CTNNBL1: variants seen among roughly 807,000 people sequenced by gnomAD.
CTNNBL1 encodes the protein beta-catenin-like protein 1.
A neutral mutation model predicts 72.7 loss-of-function variants in CTNNBL1; 31 were observed. The observed-to-expected ratio is 0.43, with a 90% confidence interval of 0.32 to 0.58. The LOEUF is 0.58. Among genes scored for constraint, CTNNBL1 ranks in the 20% least tolerant of loss-of-function variants. The probability of loss-of-function intolerance (pLI) is 0.08; values close to 1 mark genes in which losing one functional copy is unlikely to be tolerated. For missense variants in CTNNBL1, 534 were observed against 725.1 expected, an observed-to-expected ratio of 0.74 and a Z score of 3.03; for synonymous variants, 240 against 267.3, an observed-to-expected ratio of 0.90 and a Z score of 1.00.
rs938865811 is a variant in CTNNBL1 at position 37,868,406 on chromosome 20, G to A, written c.1604-3519G>A. ...ATAGCCTCTGTTTCCCCCTGGGTAA[G>A]TAGGGATGGTGTTCTTTACCTTGTG... is the stretch of plus-strand genomic sequence containing the variant. On this transcript the variant is annotated intron_variant, in intron 15 of 15. Transcript: ENST00000361383. Among the ~76,000 whole-genome samples, 120 of 152,244 alleles carry A rather than the reference G, an allele frequency of 7.9e-4. 1 individual carries two copies. Among genetic ancestry groups the A allele is most frequent in the Admixed American group, 6.8e-3 (104 of 15,292 alleles).
chr20:37,773,397 A>G (rs1420775363), intron 7 of CTNNBL1, among the ~76,000 whole-genome samples: 2 of 152,216 alleles, frequency 1.3e-5, no homozygotes, highest in Non-Finnish European at 1.5e-5. Context: ...GGTGAAGTGT[A>G]ATTTTATTCA....
intron 11 of CTNNBL1, among the ~76,000 whole-genome samples, chr20:37,820,449 C>T (rs1004889668): frequency 1.3e-5 from 2 of 152,170 alleles, no homozygotes; most frequent in African/African-American, 4.8e-5. Flanking sequence ...ACAGTCTATC[C>T]TATGCTCCTT....
intron 3 of CTNNBL1, among the ~76,000 whole-genome samples, chr20:37,739,972 G>A (rs987278477): frequency 2.6e-5 from 4 of 152,016 alleles, no homozygotes; most frequent in African/African-American, 7.3e-5. Context: ...TATTTCCTTC[G>A]CCCGCTTGGT....
Position 37,767,933 on chromosome 20 carries a change from T to G in CTNNBL1, c.659-20T>G. 1 of 1,606,638 alleles carries G rather than the reference T, an allele frequency of 6.2e-7. No individual in the cohort carries two copies. Among genetic ancestry groups the G allele is most frequent in the Non-Finnish European group, 8.5e-7 (1 of 1,173,258 alleles). ...AAACAAAGTTGTCCTCCCAAATGAC[T>G]GGTGTCTGTCTCCCTTCAGCTATTG... On this transcript the variant is annotated intron_variant, in intron 6 of 15. Coordinates refer to ENST00000361383, the MANE Select transcript of CTNNBL1 (RefSeq NM_030877.5).
chr20:37,863,005 T>C (rs1211461625), intron 15 of CTNNBL1, among the ~76,000 whole-genome samples: 1 of 152,220 alleles, frequency 6.6e-6, no homozygotes, highest in Non-Finnish European at 1.5e-5. Flanking sequence ...ACGGACATTG[T>C]CTGCCTTGTT....
chr20:37,855,367 C>T (rs2072430873), intron 13 of CTNNBL1, among the ~76,000 whole-genome samples: 1 of 152,172 alleles, frequency 6.6e-6, no homozygotes, highest in East Asian at 1.9e-4. Context: ...GCACTCAGTA[C>T]AGTTTGAAAG....
At position 37,718,433 on chromosome 20, in the gene CTNNBL1, C is replaced by A. The variant is rs571200980; in HGVS notation, c.31-14446C>A. 1.6e-3 allele frequency among the ~76,000 whole-genome samples: 217 copies of A among 139,166 alleles called. 2 individuals carry two copies. Among genetic ancestry groups the A allele is most frequent in the Admixed American group, 9.8e-3 (142 of 14,508 alleles). 91.3% of individuals were successfully genotyped at this position (139,166 alleles called of 152,430 possible). On this transcript the variant is annotated intron_variant, in intron 1 of 15. Transcript: ENST00000361383. ...GGGGGCTGACCCCCCCACCTCCCTC[C>A]CGGACGGGGTGGCTGGCCGGGCGGG...
intron 15 of CTNNBL1, among the ~76,000 whole-genome samples, chr20:37,861,436 G>C (rs1376341353): frequency 6.6e-6 from 1 of 152,226 alleles, no homozygotes; most frequent in Non-Finnish European, 1.5e-5. Flanking sequence ...AGGCCCATGT[G>C]GGAATTTCCA....
intron 1 of CTNNBL1, among the ~76,000 whole-genome samples, chr20:37,719,592 T>C (rs547918309): frequency 1.3e-5 from 2 of 152,332 alleles, no homozygotes; most frequent in Admixed American, 6.5e-5. Context: ...TAAAGCTCAA[T>C]GAGGACAGTT....
At chr20:37,770,633 A>G (rs1484922255) in intron 7 of CTNNBL1, among the ~76,000 whole-genome samples, 3 of 151,870 alleles carry the variant, frequency 2.0e-5, no homozygotes, top group Non-Finnish European at 4.4e-5. Flanking sequence ...TACCCTTATG[A>G]TCATAATGAA....
At chr20:37,801,012 C>A (rs1290140444) in intron 10 of CTNNBL1, among the ~76,000 whole-genome samples, 1 of 152,226 alleles carries the variant, frequency 6.6e-6, no homozygotes. Context: ...AAGAGATCCA[C>A]GCCAGTCATT....
At chr20:37,768,440 A>G (rs1325573556) in intron 7 of CTNNBL1, among the ~76,000 whole-genome samples, 1 of 152,172 alleles carries the variant, frequency 6.6e-6, no homozygotes, top group African/African-American at 2.4e-5. Flanking sequence ...TTTCTTATGC[A>G]AGTTGATTTT....
chr20:37,818,506 T>C (rs1348959094), intron 11 of CTNNBL1, among the ~76,000 whole-genome samples: 1 of 152,240 alleles, frequency 6.6e-6, no homozygotes, highest in Non-Finnish European at 1.5e-5. Context: ...TCCAGCCTTG[T>C]GGTCTTGGGG....
chr20:37,842,313 T>A, intron 12 of CTNNBL1, 26 bp from the exon 13 acceptor site: 1 of 1,539,014 alleles, frequency 6.5e-7, no homozygotes, highest in Non-Finnish European at 9.0e-7. Context: ...TCCTTCTCAC[T>A]CAAGCCTGTG....
chr20:37,732,524 A>G (rs2073138246), intron 1 of CTNNBL1, among the ~76,000 whole-genome samples: 2 of 152,216 alleles, frequency 1.3e-5, no homozygotes, highest in African/African-American at 4.8e-5. Context: ...AAAACTGCGT[A>G]TAAAAAAATT....
intron 7 of CTNNBL1, among the ~76,000 whole-genome samples, chr20:37,769,068 C>T (rs931115485): frequency 5.9e-5 from 9 of 152,276 alleles, no homozygotes; most frequent in South Asian, 4.2e-4. Context: ...CGTGAAACAC[C>T]GTGCCTGGCC....
At chr20:37,806,267 C>T (rs931043562) in intron 11 of CTNNBL1, among the ~76,000 whole-genome samples, 11 of 152,178 alleles carry the variant, frequency 7.2e-5, no homozygotes, top group African/African-American at 2.2e-4. Flanking sequence ...AACACTGAGG[C>T]CTGGGAATCA....
At chr20:37,728,852 G>A (rs1035618818) in intron 1 of CTNNBL1, among the ~76,000 whole-genome samples, 5 of 152,186 alleles carry the variant, frequency 3.3e-5, no homozygotes, top group African/African-American at 1.2e-4. Context: ...GTGTGAGGGA[G>A]GAGGTTGGAG....
chr20:37,731,498 G>A (rs2073128399), intron 1 of CTNNBL1, among the ~76,000 whole-genome samples: 1 of 152,136 alleles, frequency 6.6e-6, no homozygotes, highest in South Asian at 2.1e-4. Flanking sequence ...GCCTCCCAAA[G>A]TGCTGGGATT....
Sources: allele counts gnomAD v4.1 joint callset (sites outside exome capture counted in the v4.1 genomes callset), GRCh38; gene constraint gnomAD v4.1.1; transcripts MANE v1.5; gene names NCBI Gene and HGNC (gene_info 2026-07-23, HGNC 2026-07-21).